ADGRL2: variants seen among roughly 807,000 people sequenced by gnomAD.
The protein encoded by ADGRL2 is adhesion G protein-coupled receptor L2.
In ADGRL2, 44 loss-of-function variants were observed where a neutral mutation model predicts 157.4. The ratio of observed to expected loss-of-function variants is 0.28; its 90% confidence interval spans 0.22 to 0.36. The LOEUF is 0.36. ADGRL2 is among the 10% of genes least tolerant of loss of function. The pLI is 1.00. For synonymous variants in ADGRL2, 585 were observed against 624.7 expected (o/e 0.94, Z 0.95); for missense variants, 1,510 against 1,768.9 (o/e 0.85, Z 2.63).
chr1:81,869,548 C>A (rs1188597628), intron 2 of ADGRL2, among the ~76,000 whole-genome samples: 1 of 151,956 alleles, frequency 6.6e-6, no homozygotes, highest in Non-Finnish European at 1.5e-5. Flanking sequence ...TAAGTAGACA[C>A]ATAAAAACAT....
chr1:81,325,639 G>A (rs1660844562), intron 1 of ADGRL2, among the ~76,000 whole-genome samples: 1 of 152,198 alleles, frequency 6.6e-6, no homozygotes. Context: ...GAGGTTAGAA[G>A]CCAAGAATTC....
intron 2 of ADGRL2, among the ~76,000 whole-genome samples, chr1:81,773,490 TC>T (rs1180156694): frequency 6.6e-6 from 1 of 152,162 alleles, no homozygotes; most frequent in African/African-American, 2.4e-5. Context: ...TCTGTTTTAT[TC>T]CAGAGGCAAG....
intron 3 of ADGRL2, among the ~76,000 whole-genome samples, chr1:81,656,617 C>CA (rs1244568497): frequency 3.9e-5 from 6 of 152,010 alleles, no homozygotes; most frequent in Non-Finnish European, 8.8e-5. Context: ...TACATTTTCC[C>CA]AAAAAAACTC....
intron 2 of ADGRL2, among the ~76,000 whole-genome samples, chr1:81,493,753 T>G (rs1186341775): frequency 6.6e-6 from 1 of 152,052 alleles, no homozygotes; most frequent in African/African-American, 2.4e-5. Flanking sequence ...AGAAAAAAAT[T>G]CGATTTACAA....
At chr1:81,635,022 AC>A (rs1472801779) in intron 3 of ADGRL2, among the ~76,000 whole-genome samples, 1 of 152,114 alleles carries the variant, frequency 6.6e-6, no homozygotes, top group East Asian at 1.9e-4. Flanking sequence ...GGGGCTTAAC[AC>A]CCAAGAATTA....
intron 2 of ADGRL2, among the ~76,000 whole-genome samples, chr1:81,906,297 T>A (rs567800241): frequency 6.6e-6 from 1 of 152,270 alleles, no homozygotes; most frequent in African/African-American, 2.4e-5. Flanking sequence ...GTTTGAAAAT[T>A]GCTGCTTTTT....
chr1:81,349,495 G>A (rs1225603816), intron 1 of ADGRL2, among the ~76,000 whole-genome samples: 3 of 152,140 alleles, frequency 2.0e-5, no homozygotes, highest in Non-Finnish European at 4.4e-5. Flanking sequence ...GGAATGGCAG[G>A]AATGTGGGAT....
At chr1:81,631,828 C>T (rs2082016050) in intron 3 of ADGRL2, among the ~76,000 whole-genome samples, 1 of 152,098 alleles carries the variant, frequency 6.6e-6, no homozygotes, top group East Asian at 1.9e-4. Flanking sequence ...CCCACCAAAT[C>T]ACACACTGGA....
chr1:81,449,083 T>C (rs2077657880), intron 2 of ADGRL2, among the ~76,000 whole-genome samples: 1 of 152,190 alleles, frequency 6.6e-6, no homozygotes, highest in Non-Finnish European at 1.5e-5. Flanking sequence ...ATCAAAGATG[T>C]GGTTTGAATA....
At chr1:81,655,328 A>T (rs1038898666) in intron 3 of ADGRL2, among the ~76,000 whole-genome samples, 4 of 152,052 alleles carry the variant, frequency 2.6e-5, no homozygotes, top group African/African-American at 9.7e-5. Context: ...ATTACTACTA[A>T]CACCCCCATT....
At chr1:81,376,562 C>CCCTTCCTT (rs1209694451) in intron 1 of ADGRL2, among the ~76,000 whole-genome samples, 1 of 151,272 alleles carries the variant, frequency 6.6e-6, no homozygotes, top group Non-Finnish European at 1.5e-5. Context: ...CTCCCTTCCT[C>CCCTTCCTT]CCTTCCTTCC....
chr1:81,319,947 G>T (rs1660393024), intron 1 of ADGRL2, among the ~76,000 whole-genome samples: 1 of 152,082 alleles, frequency 6.6e-6, no homozygotes, highest in East Asian at 1.9e-4. Context: ...TTCCTTTCAT[G>T]CAAGATTTCT....
chr1:81,676,853 A>AT (rs937209634), intron 3 of ADGRL2, among the ~76,000 whole-genome samples: 5 of 149,888 alleles, frequency 3.3e-5, no homozygotes, highest in South Asian at 2.1e-4. Context: ...CACCTGGCTA[A>AT]TTTTTTTTGT....
chr1:81,816,032 A>G (rs1405433136), intron 1 of ADGRL2, among the ~76,000 whole-genome samples: 1 of 151,850 alleles, frequency 6.6e-6, no homozygotes, highest in East Asian at 1.9e-4. Context: ...GAACAATACT[A>G]AATTGAATAG....
chr1:81,461,930 A>AGG (rs71693648), intron 2 of ADGRL2, among the ~76,000 whole-genome samples: 4,323 of 66,770 alleles, frequency 0.065, 446 homozygotes, highest in Non-Finnish European at 0.11. Context: ...AAAAGAAGAA[A>AGG]GGGGGGGGGG....
At chr1:81,645,166 T>G (rs1046467572) in intron 3 of ADGRL2, among the ~76,000 whole-genome samples, 2 of 152,058 alleles carry the variant, frequency 1.3e-5, no homozygotes, top group African/African-American at 2.4e-5. Context: ...AAGGCAGGAC[T>G]ATTGCTTGAG....
At chr1:81,562,111 T>C (rs185707213) in intron 2 of ADGRL2, among the ~76,000 whole-genome samples, 139 of 152,214 alleles carry the variant, frequency 9.1e-4, no homozygotes, top group Non-Finnish European at 1.3e-3. Context: ...CATCAATACA[T>C]AGTTCTGGTT....
At chr1:81,732,656 T>C (rs1297912056) in intron 1 of ADGRL2, among the ~76,000 whole-genome samples, 1 of 152,174 alleles carries the variant, frequency 6.6e-6, no homozygotes, top group Non-Finnish European at 1.5e-5. Flanking sequence ...GTTTAAGGGT[T>C]TTTTGAAGCC....
chr1:81,733,648 G>A (rs551972428), intron 1 of ADGRL2, among the ~76,000 whole-genome samples: 6 of 152,300 alleles, frequency 3.9e-5, no homozygotes, highest in Admixed American at 6.5e-5. Context: ...ACATATGAAT[G>A]TGGGGGACGG....
Sources: gnomAD v4.1 joint callset for allele counts (sites outside exome capture counted in the v4.1 genomes callset) on GRCh38, gnomAD v4.1.1 for gene constraint, MANE v1.5 for transcripts, NCBI Gene and HGNC (gene_info 2026-07-23, HGNC 2026-07-21) for gene names.